Variants in GFRA1 observed in about 807,000 individuals in gnomAD.
GFRA1 encodes the protein GDNF family receptor alpha 1.
A neutral mutation model predicts 51.6 loss-of-function variants in GFRA1; 16 were observed. That is an observed-to-expected ratio of 0.31 (90% confidence interval 0.21 to 0.47). GFRA1 has a LOEUF of 0.47. GFRA1 is among the 20% of genes least tolerant of loss of function. The pLI, the probability that GFRA1 is intolerant of heterozygous loss-of-function variation, is 1.00. For missense variants in GFRA1, 530 were observed against 594.3 expected (o/e 0.89, Z 1.13); for synonymous variants, 270 against 241.3 (o/e 1.12, Z -1.10).
intron 5 of GFRA1, among the ~76,000 whole-genome samples, chr10:116,177,041 A>G (rs1961688489): frequency 6.6e-6 from 1 of 152,172 alleles, no homozygotes; most frequent in Admixed American, 6.5e-5. Flanking sequence ...GCTGTAATTT[A>G]CCTGGCTTGT....
At chr10:116,199,446 T>G (rs1411446147) in intron 5 of GFRA1, among the ~76,000 whole-genome samples, 1 of 152,162 alleles carries the variant, frequency 6.6e-6, no homozygotes, top group Non-Finnish European at 1.5e-5. Flanking sequence ...AACATTTTAT[T>G]ATAAAGTTTT....
intron 5 of GFRA1, among the ~76,000 whole-genome samples, chr10:116,187,907 T>C (rs11197576): frequency 0.29 from 44,639 of 151,890 alleles, 7,121 homozygotes; most frequent in African/African-American, 0.41. Flanking sequence ...AGATGCATTC[T>C]TCACCCCTCC....
intron 5 of GFRA1, among the ~76,000 whole-genome samples, chr10:116,133,841 G>A (rs1317199220): frequency 1.3e-5 from 2 of 152,220 alleles, no homozygotes; most frequent in Non-Finnish European, 2.9e-5. Context: ...GGAAGTGTCA[G>A]GGATGAATTA....
chr10:116,161,171 G>A (rs558898870), intron 5 of GFRA1, among the ~76,000 whole-genome samples: 1 of 152,274 alleles, frequency 6.6e-6, no homozygotes, highest in South Asian at 2.1e-4. Context: ...AGGAGGGGTA[G>A]GACAGGCATC....
At position 116,060,195 on chromosome 10, in the gene GFRA1, C is replaced by T. The variant is rs1473866057; in HGVS notation, c.*4203G>A. On this transcript the variant is annotated 3_prime_UTR_variant, in exon 11 of 11. Transcript: ENST00000355422. ...AGACAACAGACTTAAAACAAATGGT[C>T]ACTTGAGAAGCAGAGCCGTGTCAAA... The T allele has an allele frequency of 6.6e-6, 1 of 152,170 alleles. No individual in the cohort carries two copies. Among genetic ancestry groups the T allele is most frequent in the Non-Finnish European group, 1.5e-5 (1 of 68,044 alleles). The allele number at this position is 152,170 out of a possible 1,614,324, so 9.4% of individuals were successfully genotyped here. A position where few individuals can be genotyped will look rare whatever the true frequency, so the allele number is the denominator to read the frequency against.
At chr10:116,095,307 T>G (rs1390609012) in intron 7 of GFRA1, among the ~76,000 whole-genome samples, 4 of 152,246 alleles carry the variant, frequency 2.6e-5, no homozygotes, top group Non-Finnish European at 5.9e-5. Context: ...CCATAAGATG[T>G]AGACACTGTT....
intron 9 of GFRA1, among the ~76,000 whole-genome samples, chr10:116,085,228 G>A (rs1565562914): frequency 6.6e-6 from 1 of 152,136 alleles, no homozygotes; most frequent in South Asian, 2.1e-4. Context: ...ATTACACTTC[G>A]GAGCAGACTT....
intron 4 of GFRA1, among the ~76,000 whole-genome samples, chr10:116,218,723 T>C (rs1054699514): frequency 3.3e-5 from 5 of 152,202 alleles, no homozygotes; most frequent in African/African-American, 1.2e-4. Context: ...TGAGCCTTGG[T>C]AATAGCTTTA....
chr10:116,212,782 C>T (rs183667043), intron 4 of GFRA1, among the ~76,000 whole-genome samples: 1 of 152,262 alleles, frequency 6.6e-6, no homozygotes, highest in African/African-American at 2.4e-5. Flanking sequence ...TTTATTTCTC[C>T]ACTCGAATGT....
chr10:116,133,261 C>T (rs1313945123), intron 5 of GFRA1, among the ~76,000 whole-genome samples: 1 of 152,032 alleles, frequency 6.6e-6, no homozygotes, highest in East Asian at 1.9e-4. Context: ...CTTCAAATTC[C>T]ACACAGCCAT....
chr10:116,166,920 C>T (rs751017125), intron 5 of GFRA1, among the ~76,000 whole-genome samples: 9 of 151,128 alleles, frequency 6.0e-5, no homozygotes, highest in Admixed American at 1.3e-4. Flanking sequence ...CTGCCTCAGC[C>T]TCCCGAGTAG....
chr10:116,190,307 G>T (rs1963134922), intron 5 of GFRA1, among the ~76,000 whole-genome samples: 1 of 152,180 alleles, frequency 6.6e-6, no homozygotes, highest in Non-Finnish European at 1.5e-5. Flanking sequence ...AACTTCTAGA[G>T]GTCAGTAGTC....
At chr10:116,172,925 G>A (rs1000199320) in intron 5 of GFRA1, among the ~76,000 whole-genome samples, 1 of 152,186 alleles carries the variant, frequency 6.6e-6, no homozygotes, top group African/African-American at 2.4e-5. Flanking sequence ...AGCCCCTTGC[G>A]AGACTGCTGC....
At chr10:116,212,941 C>T (rs555202641) in intron 4 of GFRA1, among the ~76,000 whole-genome samples, 1 of 152,196 alleles carries the variant, frequency 6.6e-6, no homozygotes. Flanking sequence ...TATACCGCCT[C>T]CCACTCACTC....
At chr10:116,212,383 A>C (rs980888087) in intron 4 of GFRA1, among the ~76,000 whole-genome samples, 5 of 151,948 alleles carry the variant, frequency 3.3e-5, no homozygotes, top group African/African-American at 1.2e-4. Flanking sequence ...AGCCAGACGC[A>C]GTGGTGGGTG....
In GFRA1 at chr10:116,086,609, G is replaced by A. The variant is rs973606581; in HGVS notation, c.1197+3132C>T. On this transcript the variant is annotated intron_variant, in intron 9 of 10. Transcript: ENST00000355422. The stretch of plus-strand genomic sequence containing the variant: ...GGGGCTCATGCAGGTCGTCATCTTA[G>A]GAGTCAAAGTGAGGTTCCATGGAAC... 3.3e-5 allele frequency among the ~76,000 whole-genome samples: 5 copies of A among 152,216 alleles called. No homozygotes were observed. In the South Asian group the frequency reaches 6.2e-4, roughly 19 times the overall value.
At chr10:116,250,834 A>G (rs961474477) in intron 4 of GFRA1, among the ~76,000 whole-genome samples, 21 of 152,212 alleles carry the variant, frequency 1.4e-4, no homozygotes, top group African/African-American at 4.8e-4. Flanking sequence ...CCCCCTGCAC[A>G]GGGCAGCGGA....
At chr10:116,198,064 G>C (rs1964033266) in intron 5 of GFRA1, among the ~76,000 whole-genome samples, 2 of 152,164 alleles carry the variant, frequency 1.3e-5, no homozygotes, top group Admixed American at 1.3e-4. Flanking sequence ...TCCTCTGCAA[G>C]AGCTAAAAGG....
chr10:116,197,088 T>C (rs1963943264), intron 5 of GFRA1, among the ~76,000 whole-genome samples: 1 of 151,976 alleles, frequency 6.6e-6, no homozygotes. Context: ...CTGGATGATT[T>C]CCTCTCAAGA....
Sources: gnomAD v4.1 joint callset for allele counts (sites outside exome capture counted in the v4.1 genomes callset) on GRCh38, gnomAD v4.1.1 for gene constraint, MANE v1.5 for transcripts, NCBI Gene and HGNC (gene_info 2026-07-23, HGNC 2026-07-21) for gene names.